Variants in ERICH1 observed in about 807,000 individuals in gnomAD.
ERICH1 encodes glutamate-rich protein 1.
Under a neutral mutation model 39.6 loss-of-function variants are expected in ERICH1, and 56 were observed. The observed-to-expected ratio is 1.41, with a 90% CI of 1.14 to 1.77. ERICH1 has a LOEUF of 1.77. Among genes scored for constraint, ERICH1 ranks in the 40% most tolerant of loss-of-function variants. The probability of loss-of-function intolerance (pLI) is 0.00; values close to 1 mark genes in which losing one functional copy is unlikely to be tolerated. For missense variants in ERICH1, 826 were observed against 575.4 expected (o/e 1.44, Z -4.45); for synonymous variants, 313 against 223.6 (o/e 1.40, Z -3.57).
chr8:692,882 G>A (rs905305338), intron 2 of ERICH1, among the ~76,000 whole-genome samples: 3 of 152,026 alleles, frequency 2.0e-5, no homozygotes, highest in Non-Finnish European at 4.4e-5. Context: ...CAAACTTCTG[G>A]GTTTTTGTAA....
intron 3 of ERICH1, among the ~76,000 whole-genome samples, chr8:681,032 T>C (rs1263368574): frequency 2.6e-5 from 4 of 152,178 alleles, no homozygotes; most frequent in Non-Finnish European, 5.9e-5. Context: ...ACTGCACACT[T>C]TGAACATCAG....
In ERICH1 at chr8:673,928, G is replaced by A. The variant is rs772534744; in HGVS notation, c.424C>T (p.Leu142=). ...EQAELEKQQS[L]LQEKSQRQHT... ...TGTCGCTGAGATTTCTCCTGTAACAGACTCTGCTGTTTCTCTAATTCTGCT... is the reference window on the plus strand; with the variant it reads ...TGTCGCTGAGATTTCTCCTGTAACAAACTCTGCTGTTTCTCTAATTCTGCT... Residue 142 remains leucine (L), a synonymous_variant, in exon 4 of 6, where the codon CTG becomes TTG. Transcript: ENST00000262109. 4 of 1,612,852 alleles carry A rather than the reference G, an allele frequency of 2.5e-6. No homozygotes were observed. In the South Asian group the frequency reaches 4.4e-5, roughly 18 times the overall value.
intron 1 of ERICH1, among the ~76,000 whole-genome samples, chr8:730,377 T>C (rs1376310537): frequency 2.6e-5 from 4 of 152,192 alleles, no homozygotes; most frequent in Non-Finnish European, 4.4e-5. Flanking sequence ...GGGAAAAACA[T>C]GATTATCAGT....
intron 2 of ERICH1, 97 bp downstream of exon 2, chr8:715,764 T>C (rs1815798320): frequency 6.7e-6 from 10 of 1,497,394 alleles, no homozygotes; most frequent in Admixed American, 4.2e-5. Flanking sequence ...TGCAGACAGA[T>C]GCCCGAGGCC....
rs757831528 is a variant in ERICH1 at position 668,802 on chromosome 8, G to A, written c.1064-10C>T. On this transcript the variant is annotated splice_polypyrimidine_tract_variant and intron_variant, in intron 4 of 5. Transcript: ENST00000262109. Reference sequence around the variant, plus strand: ...GCATCTCTGGAGACACCTACATAAAGTCAGTTTTGCTTGGAAATACAGTTT... The same window carrying A: ...GCATCTCTGGAGACACCTACATAAAATCAGTTTTGCTTGGAAATACAGTTT... The A allele has an allele frequency of 1.0e-5, 16 of 1,577,586 alleles. No individual in the cohort carries two copies. The highest frequency in any genetic ancestry group is 1.3e-5 in the Non-Finnish European group (15 of 1,164,010).
chr8:710,082 C>G (rs185292777), intron 2 of ERICH1, among the ~76,000 whole-genome samples: 2 of 152,224 alleles, frequency 1.3e-5, no homozygotes, highest in African/African-American at 4.8e-5. Flanking sequence ...TTATCATCAC[C>G]GTCAGAGCCG....
At chr8:699,137 A>T (rs1811068494) in intron 2 of ERICH1, among the ~76,000 whole-genome samples, 1 of 151,936 alleles carries the variant, frequency 6.6e-6, no homozygotes, top group African/African-American at 2.4e-5. Flanking sequence ...AAACCCACTA[A>T]ATATCAGCTC....
Position 679,399 on chromosome 8 carries a change from C to T in ERICH1, c.305-5352G>A, listed in dbSNP as rs541127939. 1.3e-4 allele frequency among the ~76,000 whole-genome samples: 19 copies of T among 148,332 alleles called. No homozygotes were observed. In the South Asian group the frequency reaches 1.5e-3, roughly 12 times the overall value. On this transcript the variant is annotated intron_variant, in intron 3 of 5. Transcript: ENST00000262109. ...CAGCACCCACCCCTCACAGCTCCCA[C>T]CCATCACAGCACCCAGCCCTCACAA... is the stretch of plus-strand genomic sequence containing the variant.
chr8:692,532 C>G lies in ERICH1; in HGVS notation c.250G>C (p.Glu84Gln). ...TCGGGGCTCCCACAGCTGCTGGGCT[C>G]CGGCCAACAGGGGACGTAGCCCTCA... is the stretch of plus-strand genomic sequence containing the variant. ...PPEGYVPCWPEPSSCGSPENA... is the reference protein window; with the variant it reads ...PPEGYVPCWPQPSSCGSPENA... Residue 84 changes from glutamate to glutamine, a missense_variant, in exon 3 of 6, where the codon GAG (glutamate) becomes CAG (glutamine). By Grantham distance (29) the Glu-to-Gln change is conservative (BLOSUM62 2). Transcript: ENST00000262109. 1 of 1,614,104 alleles carries G rather than the reference C, an allele frequency of 6.2e-7. No homozygotes were observed. Among genetic ancestry groups the G allele is most frequent in the African/African-American group, 1.3e-5 (1 of 75,050 alleles).
rs866014817 is a variant in ERICH1 at position 617,392 on chromosome 8, A to G, written c.977-2108T>C. 3.9e-5 allele frequency among the ~76,000 whole-genome samples: 6 copies of G among 152,100 alleles called. No homozygotes were observed. The South Asian group carries it at 8.3e-4, about 21-fold the overall frequency. On this transcript the variant is annotated intron_variant, in intron 3 of 3. Coordinates refer to the ERICH1 transcript ENST00000522706. ...GCCTGCCTCACCGTTCTCAGCACTG[A>G]TCACTCCCTGTCATCTACTACCTGC... is the stretch of plus-strand genomic sequence containing the variant.
At chr8:684,785 G>A (rs907672877) in intron 3 of ERICH1, among the ~76,000 whole-genome samples, 3 of 152,174 alleles carry the variant, frequency 2.0e-5, no homozygotes, top group Admixed American at 6.5e-5. Context: ...AGCAGGTTCC[G>A]TGATGCCCCC....
At chr8:707,997 T>C (rs927814476) in intron 2 of ERICH1, among the ~76,000 whole-genome samples, 3 of 152,146 alleles carry the variant, frequency 2.0e-5, no homozygotes, top group Non-Finnish European at 1.5e-5. Flanking sequence ...AGCAGATATT[T>C]CTCTAAAGAA....
chr8:723,510 A>G (rs1817826195), intron 1 of ERICH1, among the ~76,000 whole-genome samples: 1 of 152,228 alleles, frequency 6.6e-6, no homozygotes, highest in South Asian at 2.1e-4. Context: ...CTGTCATATT[A>G]GAGAAATCTC....
chr8:697,280 C>G (rs1005019854), intron 2 of ERICH1, among the ~76,000 whole-genome samples: 6 of 152,222 alleles, frequency 3.9e-5, no homozygotes, highest in African/African-American at 1.4e-4. Context: ...CACTCACTCT[C>G]CAGCCTCCTG....
chr8:649,959 G>C (rs753230990), intron 3 of ERICH1, among the ~76,000 whole-genome samples: 280 of 152,314 alleles, frequency 1.8e-3, no homozygotes, highest in Non-Finnish European at 3.2e-3. Context: ...GAAGACGGCA[G>C]CCGCGACATC....
At chr8:624,977 C>T (rs149575530) in intron 3 of ERICH1, among the ~76,000 whole-genome samples, 1,992 of 152,224 alleles carry the variant, frequency 0.013, 39 homozygotes, top group African/African-American at 0.046. Context: ...CCGCTTGCCT[C>T]GGCCACCCAA....
chr8:692,684 C>G, intron 2 of ERICH1, 72 bp from the exon 3 acceptor site: 1 of 1,428,038 alleles, frequency 7.0e-7, no homozygotes, highest in Non-Finnish European at 9.3e-7. Context: ...GCCTTGATTA[C>G]ATCGGCATTG....
chr8:625,903 C>T (rs142606840), intron 3 of ERICH1: 2 of 152,306 alleles, frequency 1.3e-5, no homozygotes, highest in African/African-American at 4.8e-5. Flanking sequence ...GGCAGAAATC[C>T]CATTTAATAA....
intron 3 of ERICH1, among the ~76,000 whole-genome samples, chr8:618,828 C>T (rs118108206): frequency 0.013 from 2,048 of 152,218 alleles, 27 homozygotes; most frequent in Non-Finnish European, 0.022. Flanking sequence ...GTCCCCCAAA[C>T]GCCTGACCGA....
Sources: gnomAD v4.1 joint callset for allele counts (sites outside exome capture counted in the v4.1 genomes callset) on GRCh38, gnomAD v4.1.1 for gene constraint, MANE v1.5 for transcripts, NCBI Gene and HGNC (gene_info 2026-07-23, HGNC 2026-07-21) for gene names.